Variants in WWOX observed in about 807,000 individuals in gnomAD.
The protein encoded by WWOX is WW domain-containing oxidoreductase.
WWOX carries 69 observed loss-of-function variants against 46.2 expected under a neutral mutation model. The observed-to-expected ratio is 1.49, with a 90% CI of 1.23 to 1.82. WWOX has a LOEUF of 1.82. WWOX is among the 40% of genes most tolerant of loss of function. The pLI is 0.00. For synonymous variants in WWOX, 359 were observed against 202.6 expected (o/e 1.77, Z -6.56); for missense variants, 919 against 542.6 (o/e 1.69, Z -6.89).
At chr16:78,144,428 A>AATATATATATATATAT (rs2034093786) in intron 4 of WWOX, among the ~76,000 whole-genome samples, 1 of 15,008 alleles carries the variant, frequency 6.7e-5, no homozygotes, top group African/African-American at 2.1e-4. Flanking sequence ...TTTTGCCATT[A>AATATATATATATATAT]CTATATATAT....
At chr16:78,900,963 G>A (rs1264907546) in intron 8 of WWOX, among the ~76,000 whole-genome samples, 2 of 151,902 alleles carry the variant, frequency 1.3e-5, no homozygotes, top group Non-Finnish European at 2.9e-5. Context: ...AATCTCTCTA[G>A]AAGGGTACCA....
intron 8 of WWOX, among the ~76,000 whole-genome samples, chr16:78,669,411 T>A (rs941435854): frequency 3.9e-5 from 6 of 152,200 alleles, no homozygotes; most frequent in African/African-American, 1.4e-4. Flanking sequence ...CAGGGGATGT[T>A]TTTACAATGT....
At chr16:78,384,314 C>T (rs890388362) in intron 5 of WWOX, among the ~76,000 whole-genome samples, 1 of 152,060 alleles carries the variant, frequency 6.6e-6, no homozygotes, top group African/African-American at 2.4e-5. Flanking sequence ...GAGGCAGGGA[C>T]CAGAGGACTT....
chr16:78,315,223 G>T (rs914106882), intron 5 of WWOX, among the ~76,000 whole-genome samples: 1 of 152,144 alleles, frequency 6.6e-6, no homozygotes, highest in Non-Finnish European at 1.5e-5. Flanking sequence ...CCTTGAAATT[G>T]TTCTATATCT....
intron 1 of WWOX, among the ~76,000 whole-genome samples, chr16:78,104,888 CTG>C (rs2032043599): frequency 1.3e-5 from 2 of 152,220 alleles, no homozygotes; most frequent in Admixed American, 1.3e-4. Context: ...CCCATCTAAA[CTG>C]TTGAGGAAAC....
intron 8 of WWOX, among the ~76,000 whole-genome samples, chr16:78,476,959 T>C (rs534173184): frequency 2.0e-5 from 3 of 152,274 alleles, no homozygotes; most frequent in Admixed American, 2.0e-4. Context: ...TTTCCTCTTT[T>C]TCACCCTTTT....
chr16:79,210,928 C>A (rs2051713705), intron 8 of WWOX, among the ~76,000 whole-genome samples: 1 of 152,080 alleles, frequency 6.6e-6, no homozygotes, highest in Non-Finnish European at 1.5e-5. Context: ...TACCTGTGGT[C>A]CCATTGTAAA....
In WWOX at chr16:78,501,868, G is replaced by C. The variant is rs571649015; in HGVS notation, c.1056+69116G>C. Among the ~76,000 whole-genome samples, 55 of 152,282 alleles carry C rather than the reference G, an allele frequency of 3.6e-4. No homozygotes were observed. The East Asian group carries it at 0.011, about 29-fold the overall frequency. Reference sequence around the variant, plus strand: ...GCTAATGAAATCAGGCTCCATGGTGGGGAAGGATGTTGCGGTGGGGTTGGG... The same window carrying C: ...GCTAATGAAATCAGGCTCCATGGTGCGGAAGGATGTTGCGGTGGGGTTGGG... On this transcript the variant is annotated intron_variant, in intron 8 of 8. Transcript: ENST00000566780.
At chr16:78,495,980 C>G (rs1486924330) in intron 8 of WWOX, 1 of 152,150 alleles carries the variant, frequency 6.6e-6, no homozygotes, top group African/African-American at 2.4e-5. Context: ...AAACGGATAA[C>G]CACAGTCTTC....
intron 8 of WWOX, among the ~76,000 whole-genome samples, chr16:78,650,529 C>T (rs530587056): frequency 6.6e-6 from 1 of 152,082 alleles, no homozygotes; most frequent in African/African-American, 2.4e-5. Context: ...AAGCCCGAGT[C>T]GTATGAATCC....
Position 78,904,948 on chromosome 16 carries a change from T to C in WWOX, c.1057-306660T>C, listed in dbSNP as rs529601498. On this transcript the variant is annotated intron_variant, in intron 8 of 8. Transcript: ENST00000566780. ...TTGGTGCCCCTGTTGGTTTTCCAAA[T>C]TGTCTTCCCATCCTTATCCTACCTC... Among the ~76,000 whole-genome samples, 8 of 152,328 alleles carry C rather than the reference T, an allele frequency of 5.3e-5. No individual in the cohort carries two copies. In the South Asian group the frequency reaches 6.2e-4, roughly 12 times the overall value.
intron 8 of WWOX, among the ~76,000 whole-genome samples, chr16:78,736,517 A>T (rs8051867): frequency 2.0e-5 from 3 of 152,126 alleles, no homozygotes; most frequent in Non-Finnish European, 4.4e-5. Flanking sequence ...CACACATATC[A>T]TCAAATTCAT....
At chr16:79,049,062 C>G (rs2048118245) in intron 8 of WWOX, among the ~76,000 whole-genome samples, 1 of 152,202 alleles carries the variant, frequency 6.6e-6, no homozygotes, top group African/African-American at 2.4e-5. Context: ...AGGTTTCTAT[C>G]CTCTGACAGT....
intron 8 of WWOX, chr16:78,890,167 A>G (rs35263951): frequency 0.49 from 74,890 of 152,036 alleles, 18,457 homozygotes; most frequent in African/African-American, 0.54. Flanking sequence ...TTTGAAGCAC[A>G]TATACACACT....
At chr16:78,575,894 C>G (rs941436179) in intron 8 of WWOX, among the ~76,000 whole-genome samples, 3 of 150,798 alleles carry the variant, frequency 2.0e-5, no homozygotes, top group African/African-American at 5.0e-5. Context: ...AAGGTTACAT[C>G]TTTTTACCTC....
At chr16:78,350,913 C>G (rs1426195308) in intron 5 of WWOX, among the ~76,000 whole-genome samples, 2 of 62,368 alleles carry the variant, frequency 3.2e-5, no homozygotes, top group Non-Finnish European at 9.6e-5. Flanking sequence ...ACATTCTAAC[C>G]AGCAGTGTAG....
chr16:78,351,635 C>A (rs1288500664), intron 5 of WWOX, among the ~76,000 whole-genome samples: 1 of 152,106 alleles, frequency 6.6e-6, no homozygotes, highest in Non-Finnish European at 1.5e-5. Context: ...TCCTGAATAT[C>A]AGCCCTGCGT....
intron 8 of WWOX, among the ~76,000 whole-genome samples, chr16:78,701,598 C>T (rs113157422): frequency 1.1e-4 from 17 of 152,042 alleles, no homozygotes; most frequent in African/African-American, 3.6e-4. Flanking sequence ...TCTCCCTCTC[C>T]CTCCACCCAC....
At chr16:78,199,344 C>G (rs1036218488) in intron 5 of WWOX, among the ~76,000 whole-genome samples, 9 of 143,392 alleles carry the variant, frequency 6.3e-5, no homozygotes, top group African/African-American at 2.2e-4. Context: ...AACAAACAAA[C>G]TAAGAACAAC....
Sources: allele counts gnomAD v4.1 joint callset (sites outside exome capture counted in the v4.1 genomes callset), GRCh38; gene constraint gnomAD v4.1.1; transcripts MANE v1.5; gene names NCBI Gene and HGNC (gene_info 2026-07-23, HGNC 2026-07-21).